The following CMPK1 variants were observed in gnomAD, a reference collection of about 807,000 sequenced individuals.
The protein encoded by CMPK1 is cytidine/uridine monophosphate kinase 1.
In CMPK1, 10 loss-of-function variants were observed where a neutral mutation model predicts 25.7. The ratio of observed to expected loss-of-function variants is 0.39; its 90% CI spans 0.24 to 0.66. CMPK1 has a LOEUF of 0.66. Ranked by LOEUF, CMPK1 falls within the 30% of genes least tolerant of loss-of-function variation. The pLI, the probability that CMPK1 is intolerant of heterozygous loss-of-function variation, is 0.48. For missense variants in CMPK1, 199 were observed against 280.5 expected (o/e 0.71, Z 2.08); for synonymous variants, 106 against 101.5 (o/e 1.04, Z -0.27).
chr1:47,342,973 TA>T (rs139397824), intron 1 of CMPK1, among the ~76,000 whole-genome samples: 26,108 of 144,372 alleles, frequency 0.18, 2,908 homozygotes, highest in East Asian at 0.53. Flanking sequence ...TGAAATGGCA[TA>T]ATTAACCATT....
At chr1:47,361,264 C>G (rs975671498) in intron 1 of CMPK1, among the ~76,000 whole-genome samples, 1 of 152,128 alleles carries the variant, frequency 6.6e-6, no homozygotes, top group African/African-American at 2.4e-5. Context: ...TGGTGCGCAC[C>G]TGTAATCCCA....
chr1:47,345,158 T>TC (rs947032666), intron 1 of CMPK1, among the ~76,000 whole-genome samples: 1 of 152,152 alleles, frequency 6.6e-6, no homozygotes, highest in Admixed American at 6.6e-5. Flanking sequence ...CCTCAGGTGA[T>TC]CCGCCTGCTT....
At chr1:47,367,951 T>A (rs1646650802) in intron 1 of CMPK1, among the ~76,000 whole-genome samples, 1 of 152,108 alleles carries the variant, frequency 6.6e-6, no homozygotes, top group South Asian at 2.1e-4. Flanking sequence ...AATTTATTTT[T>A]TATTTTTTAT....
chr1:47,361,485 A>G (rs911561795), intron 1 of CMPK1, among the ~76,000 whole-genome samples: 2 of 152,206 alleles, frequency 1.3e-5, no homozygotes, highest in African/African-American at 4.8e-5. Context: ...AACCTCTATA[A>G]AGTGGCTGAA....
chr1:47,373,247 A>AAGACAGTG, intron 3 of CMPK1, 140 bp downstream of exon 3: 3 of 670,736 alleles, frequency 4.5e-6, no homozygotes, highest in Non-Finnish European at 4.6e-6. Flanking sequence ...ACGGAACAGC[A>AAGACAGTG]CTGTCTTGCT....
chr1:47,352,733 TTCCTTGATGAA>T (rs1249423768), intron 1 of CMPK1, among the ~76,000 whole-genome samples: 2 of 152,158 alleles, frequency 1.3e-5, no homozygotes, highest in Non-Finnish European at 2.9e-5. Context: ...TTAGGTCATT[TTCCTTGATGAA>T]GTTAGGCTCT....
intron 2 of CMPK1, among the ~76,000 whole-genome samples, chr1:47,369,846 C>T (rs1343606851): frequency 1.3e-5 from 2 of 150,474 alleles, no homozygotes; most frequent in Admixed American, 1.3e-4. Flanking sequence ...AGGTGTGAGC[C>T]ACCGTGCCCG....
At chr1:47,356,509 G>T (rs1231419010) in intron 1 of CMPK1, among the ~76,000 whole-genome samples, 1 of 152,078 alleles carries the variant, frequency 6.6e-6, no homozygotes, top group Non-Finnish European at 1.5e-5. Flanking sequence ...TTTCTGATAA[G>T]TTTGAGAGTC....
At chr1:47,343,939 G>A (rs184698476) in intron 1 of CMPK1, among the ~76,000 whole-genome samples, 12 of 151,934 alleles carry the variant, frequency 7.9e-5, no homozygotes, top group African/African-American at 2.4e-5. Flanking sequence ...CTGGTGGTGC[G>A]TGCCTGTGGT....
At chr1:47,334,532 G>A (rs1381738870) in intron 1 of CMPK1, among the ~76,000 whole-genome samples, 2 of 152,210 alleles carry the variant, frequency 1.3e-5, no homozygotes, top group Admixed American at 6.5e-5. Context: ...GCCCACAGTT[G>A]TCTGAAGGAG....
chr1:47,374,913 G>C lies in CMPK1; in HGVS notation c.476G>C (p.Cys159Ser), dbSNP rs1289197889. Residue 159 changes from cysteine (C) to serine (S), a missense_variant, in exon 4 of 6, where the codon TGT becomes TCT. This residue lies in a region of CMPK1 where 140 missense variants were observed against 235.5 expected (regional missense o/e 0.59). Transcript: ENST00000371873. Reference sequence around the variant, plus strand: ...TAACTTTGTATCTCTTTTTAGATTTGTATTGAACGATGTCTTGAGAGGGGA... The same window carrying C: ...TAACTTTGTATCTCTTTTTAGATTTCTATTGAACGATGTCTTGAGAGGGGA... ...VLFFDCNNEI[C>S]IERCLERGKS... 6.2e-7 allele frequency: 1 copy of C among 1,607,584 alleles called. No homozygotes were observed. Among genetic ancestry groups the C allele is most frequent in the South Asian group, 1.1e-5 (1 of 90,822 alleles).
At chr1:47,338,839 G>A (rs970537439) in intron 1 of CMPK1, among the ~76,000 whole-genome samples, 1 of 151,812 alleles carries the variant, frequency 6.6e-6, no homozygotes, top group Admixed American at 6.6e-5. Context: ...TTAAAATTAA[G>A]CTTTATTTAT....
At chr1:47,370,642 TAAA>T (rs35175280) in intron 2 of CMPK1, among the ~76,000 whole-genome samples, 3 of 133,850 alleles carry the variant, frequency 2.2e-5, no homozygotes, top group Non-Finnish European at 4.8e-5. Context: ...CTCTGTTTCT[TAAA>T]AAAAAAAAAA....
In CMPK1 at chr1:47,355,700, G is replaced by A. The variant is rs184664589; in HGVS notation, c.172-12769G>A. On this transcript the variant is annotated intron_variant, in intron 1 of 5. Coordinates refer to ENST00000371873, the MANE Select transcript of CMPK1 (RefSeq NM_016308.3). ...TGGCTCACTGCAATCTCTGCTTCCC[G>A]AGTTCAAATGATTCTCATGCCTCAG... Among the ~76,000 whole-genome samples, 302 of 151,814 alleles carry A rather than the reference G, an allele frequency of 2.0e-3. 2 individuals carry two copies. The highest frequency in any genetic ancestry group is 3.6e-3 in the Non-Finnish European group (247 of 67,966).
At chr1:47,366,945 C>G (rs531872312) in intron 1 of CMPK1, among the ~76,000 whole-genome samples, 7 of 152,144 alleles carry the variant, frequency 4.6e-5, no homozygotes, top group Non-Finnish European at 1.0e-4. Flanking sequence ...AGGCTGGTCT[C>G]AAACTCCTGA....
chr1:47,335,844 A>G lies in CMPK1; in HGVS notation c.171+1728A>G, dbSNP rs554915872. ...GGTGGTGCGATCTCAGCACACTGCAACCTCCGCCTCCCAGGTTCAAGCGAT... is the reference window on the plus strand; with the variant it reads ...GGTGGTGCGATCTCAGCACACTGCAGCCTCCGCCTCCCAGGTTCAAGCGAT... On this transcript the variant is annotated intron_variant, in intron 1 of 5. Transcript: ENST00000371873. Among the ~76,000 whole-genome samples, 7 of 150,390 alleles carry G rather than the reference A, an allele frequency of 4.7e-5. No homozygotes were observed. The East Asian group carries it at 1.0e-3, about 21-fold the overall frequency.
rs1646392985 is a variant in CMPK1 at position 47,335,682 on chromosome 1, C to T, written c.171+1566C>T. Among the ~76,000 whole-genome samples, 3 of 148,404 alleles carry T rather than the reference C, an allele frequency of 2.0e-5. No homozygotes were observed. The South Asian group carries it at 6.3e-4, about 31-fold the overall frequency. On this transcript the variant is annotated intron_variant, in intron 1 of 5. Coordinates refer to ENST00000371873, the MANE Select transcript of CMPK1 (RefSeq NM_016308.3). ...AATCATTTTAGGTGTCAAAGTGGAA[C>T]TAGTCCAACTAAAAAAATACATAAC...
intron 2 of CMPK1, 108 bp downstream of exon 2, chr1:47,368,723 GC>G: frequency 9.7e-7 from 1 of 1,034,124 alleles, no homozygotes; most frequent in Non-Finnish European, 1.3e-6. Context: ...ATTTTGGGAA[GC>G]CAAAGCAAGA....
At chr1:47,365,350 T>C (rs532633590) in intron 1 of CMPK1, among the ~76,000 whole-genome samples, 2 of 151,568 alleles carry the variant, frequency 1.3e-5, no homozygotes, top group Admixed American at 1.3e-4. Context: ...TGAGATAAGT[T>C]AGGCCAGTTG....
Sources: allele counts gnomAD v4.1 joint callset (sites outside exome capture counted in the v4.1 genomes callset), GRCh38; gene constraint gnomAD v4.1.1; regional missense constraint gnomAD v4.1.1; transcripts MANE v1.5; gene names NCBI Gene and HGNC (gene_info 2026-07-23, HGNC 2026-07-21).